ZDHHC6: variants seen among roughly 807,000 people sequenced by gnomAD.
The protein encoded by ZDHHC6 is palmitoyltransferase ZDHHC6.
A neutral mutation model predicts 57.8 loss-of-function variants in ZDHHC6; 32 were observed. That is an observed-to-expected ratio of 0.55 (90% confidence interval 0.42 to 0.74). The LOEUF is 0.74. Ranked by LOEUF, ZDHHC6 falls within the 30% of genes least tolerant of loss-of-function variation. The probability of loss-of-function intolerance (pLI) is 0.00; values close to 1 mark genes in which losing one functional copy is unlikely to be tolerated. For synonymous variants in ZDHHC6, 128 were observed against 158.0 expected (o/e 0.81, Z 1.42); for missense variants, 433 against 500.7 (o/e 0.86, Z 1.29).
chr10:112,437,866 A>C (rs1845693638), intron 6 of ZDHHC6, among the ~76,000 whole-genome samples: 1 of 152,218 alleles, frequency 6.6e-6, no homozygotes, highest in Non-Finnish European at 1.5e-5. Context: ...AGAGCAGGGT[A>C]GTCAGATTTG....
intron 6 of ZDHHC6, among the ~76,000 whole-genome samples, 184 bp from the exon 7 acceptor site, chr10:112,434,648 G>A (rs1845353583): frequency 6.6e-6 from 1 of 152,212 alleles, no homozygotes; most frequent in African/African-American, 2.4e-5. Flanking sequence ...ACTTGATATA[G>A]AACACCAGCC....
chr10:112,425,622 A>G (rs1329813056), downstream of ZDHHC6: 2 of 778,398 alleles, frequency 2.6e-6, no homozygotes, highest in African/African-American at 1.8e-5. Context: ...ATGAAGTTAC[A>G]TTCCAAACCT....
At chr10:112,429,838 C>T (rs934332337), downstream of ZDHHC6, among the ~76,000 whole-genome samples, 3 of 152,176 alleles carry the variant, frequency 2.0e-5, 1 homozygote, top group Admixed American at 1.3e-4. Context: ...GGGGCCTAGG[C>T]GGCAGGGCGC....
intron 5 of ZDHHC6, among the ~76,000 whole-genome samples, chr10:112,439,536 C>A (rs1248117805): frequency 7.1e-6 from 1 of 140,396 alleles, no homozygotes; most frequent in African/African-American, 2.7e-5. Context: ...CAGGCTGAGG[C>A]AGAGAACTGC....
Position 112,445,477 on chromosome 10 carries a change from A to G in ZDHHC6, c.-41T>C. ...TGCCTTCCTACTTTAAAAGAATTAT[A>G]GATTTCCTTTTTCTGTGCGCACATT... On this transcript the variant is annotated 5_prime_UTR_variant, in exon 2 of 11. Transcript: ENST00000369405. The G allele has an allele frequency of 6.3e-7, 1 of 1,595,678 alleles. No homozygotes were observed. Among genetic ancestry groups the G allele is most frequent in the East Asian group, 2.2e-5 (1 of 44,658 alleles).
downstream of ZDHHC6, among the ~76,000 whole-genome samples, chr10:112,429,541 C>T (rs1844865696): frequency 6.6e-6 from 1 of 152,126 alleles, no homozygotes; most frequent in Admixed American, 6.6e-5. Context: ...CAGGCCTGGC[C>T]CCCAAAGCTT....
rs904184726 is a variant in ZDHHC6 at position 112,437,417 on chromosome 10, A to G, written c.735+919T>C. Reference sequence around the variant, plus strand: ...AGTTTTAAAATAAAAAGGTATAAAAATCTTATTGATAAGAAATATCACTTG... The same window carrying G: ...AGTTTTAAAATAAAAAGGTATAAAAGTCTTATTGATAAGAAATATCACTTG... On this transcript the variant is annotated intron_variant, in intron 6 of 10. Coordinates refer to ENST00000369405, the MANE Select transcript of ZDHHC6 (RefSeq NM_022494.3). Among the ~76,000 whole-genome samples, 3 of 152,236 alleles carry G rather than the reference A, an allele frequency of 2.0e-5. 1 individual carries two copies. In the South Asian group the frequency reaches 6.2e-4, roughly 31 times the overall value.
At chr10:112,428,988 G>A (rs957430165), downstream of ZDHHC6, among the ~76,000 whole-genome samples, 22 of 152,194 alleles carry the variant, frequency 1.4e-4, no homozygotes, top group East Asian at 4.0e-3. Flanking sequence ...TACCAGCTGA[G>A]CCAAAACTCC....
Position 112,430,777 on chromosome 10 carries a change from T to C in ZDHHC6, c.*27A>G. 2 of 1,590,776 alleles carry C rather than the reference T, an allele frequency of 1.3e-6. No homozygotes were observed. The highest frequency in any genetic ancestry group is 2.2e-5 in the South Asian group (2 of 89,198). ...CAATTTTCAAGTAATTAAGCAGACT[T>C]AAAGGATAATTTTGTTTTAACAGCA... is the stretch of plus-strand genomic sequence containing the variant. On this transcript the variant is annotated 3_prime_UTR_variant, in exon 11 of 11. Coordinates refer to ENST00000369405, the MANE Select transcript of ZDHHC6 (RefSeq NM_022494.3).
intron 4 of ZDHHC6, among the ~76,000 whole-genome samples, chr10:112,441,661 T>G (rs898753760): frequency 6.6e-6 from 1 of 152,214 alleles, no homozygotes; most frequent in African/African-American, 2.4e-5. Flanking sequence ...CAGGTGTGTC[T>G]CTCGTTTACT....
At chr10:112,436,736 CTG>C (rs573843691) in intron 6 of ZDHHC6, among the ~76,000 whole-genome samples, 46 of 152,304 alleles carry the variant, frequency 3.0e-4, no homozygotes, top group Admixed American at 4.6e-4. Context: ...TGGCACCAAA[CTG>C]TGTTGGTAGT....
At chr10:112,433,141 GC>G in intron 8 of ZDHHC6, 98 bp downstream of exon 8, 1 of 935,584 alleles carries the variant, frequency 1.1e-6, no homozygotes, top group Non-Finnish European at 1.5e-6. Context: ...TTTAATAAAG[GC>G]CAACAATTGG....
Position 112,433,149 on chromosome 10 carries a change from T to A in ZDHHC6, c.945+91A>T, listed in dbSNP as rs528902422. 8 of 1,024,896 alleles carry A rather than the reference T, an allele frequency of 7.8e-6. No individual in the cohort carries two copies. The East Asian group carries it at 2.2e-4, about 28-fold the overall frequency. 63.5% of individuals were successfully genotyped at this position (1,024,896 alleles called of 1,614,324 possible). Reference sequence around the variant, plus strand: ...AATACTATTTAATAAAGGCCAACAATTGGTTTCTAGTCAGTCAATTAAAAA... The same window carrying A: ...AATACTATTTAATAAAGGCCAACAAATGGTTTCTAGTCAGTCAATTAAAAA... On this transcript the variant is annotated intron_variant, in intron 8 of 10. Transcript: ENST00000369405.
chr10:112,430,019 T>C (rs1246019853), downstream of ZDHHC6, among the ~76,000 whole-genome samples: 2 of 151,890 alleles, frequency 1.3e-5, no homozygotes, highest in Admixed American at 6.6e-5. Flanking sequence ...AGCACAAGGA[T>C]GCCCGGGTCC....
upstream of ZDHHC6, chr10:112,447,155 A>G (rs1846855502): frequency 1.9e-6 from 1 of 529,600 alleles, no homozygotes. Flanking sequence ...CTTATCTTAA[A>G]GTCGGAGCGG....
Position 112,430,907 on chromosome 10 carries a change from C to T in ZDHHC6, c.1139G>A (p.Gly380Asp), listed in dbSNP as rs746706299. ...GAACCAACCCCTTATTCTTGAAACA[C>T]CTGAGGGAGAAAATGAAATTGAGGT... ...DKILDDSFIEGVSRIRGWFPR... is the reference protein window; with the variant it reads ...DKILDDSFIEDVSRIRGWFPR... The change falls in exon 11 of 11, where the codon GGT becomes GAT. Residue 380 changes from glycine to aspartate, a missense_variant and splice_region_variant. Gly to Asp is a moderately conservative substitution (Grantham distance 94, BLOSUM62 -1). Coordinates refer to ENST00000369405, the MANE Select transcript of ZDHHC6 (RefSeq NM_022494.3). The T allele has an allele frequency of 2.6e-5, 42 of 1,611,912 alleles. No individual in the cohort carries two copies. The highest frequency in any genetic ancestry group is 3.4e-5 in the Non-Finnish European group (40 of 1,178,978).
intron 3 of ZDHHC6, 36 bp downstream of exon 3, chr10:112,443,475 AGTTG>A (rs1846337402): frequency 4.6e-6 from 7 of 1,536,154 alleles, no homozygotes; most frequent in Non-Finnish European, 6.3e-6. Context: ...ATCAGTAATT[AGTTG>A]ATCAGTCCTC....
In ZDHHC6 at chr10:112,445,454, C is replaced by A. The variant is rs1406861696; in HGVS notation, c.-18G>T. 5.0e-6 allele frequency: 8 copies of A among 1,605,954 alleles called. No individual in the cohort carries two copies. Among genetic ancestry groups the A allele is most frequent in the Non-Finnish European group, 6.8e-6 (8 of 1,175,170 alleles). ...GTACCCATTTTGGCAAGGAAGAATGCCTTCCTACTTTAAAAGAATTATAGA... is the reference window on the plus strand; with the variant it reads ...GTACCCATTTTGGCAAGGAAGAATGACTTCCTACTTTAAAAGAATTATAGA... On this transcript the variant is annotated 5_prime_UTR_variant, in exon 2 of 11. Transcript: ENST00000369405.
chr10:112,427,225 C>A (rs74996244), downstream of ZDHHC6: 1 of 1,611,590 alleles, frequency 6.2e-7, no homozygotes, highest in Non-Finnish European at 8.5e-7. Context: ...CAGGTCAAAG[C>A]CATTTTTCTT....
Sources: allele counts gnomAD v4.1 joint callset (sites outside exome capture counted in the v4.1 genomes callset), GRCh38; gene constraint gnomAD v4.1.1; transcripts MANE v1.5; gene names NCBI Gene and HGNC (gene_info 2026-07-23, HGNC 2026-07-21).